Variants in SEL1L2 observed in about 807,000 individuals in gnomAD.
The protein encoded by SEL1L2 is SEL1L2 adaptor subunit of SYVN1 ubiquitin ligase.
A neutral mutation model predicts 98.8 loss-of-function variants in SEL1L2; 89 were observed. The ratio of observed to expected loss-of-function variants is 0.90; its 90% confidence interval spans 0.76 to 1.07. The LOEUF (loss-of-function observed/expected upper bound fraction) is 1.07, where lower values mean the gene tolerates loss of function less well. Among genes scored for constraint, SEL1L2 ranks in the 50% least tolerant of loss-of-function variants. SEL1L2 has a pLI of 0.00. For synonymous variants in SEL1L2, 262 were observed against 278.5 expected (o/e 0.94, Z 0.59); for missense variants, 788 against 812.0 (o/e 0.97, Z 0.36).
rs1568899493 is a variant in SEL1L2, at chr20:13,886,401, T to C, written c.787A>G (p.Lys263Glu). Residue 263 changes from lysine (K) to glutamate (E), a missense_variant, in exon 9 of 20, where the codon AAA (lysine) becomes GAA (glutamate). Coordinates refer to ENST00000284951, the MANE Select transcript of SEL1L2 (RefSeq NM_025229.2). ...FEKSEGVPVE[K>E]VRLTERPENL... ...TCAGGTCTTTCCGTTAGTCTCACTT[T>C]TTCCACTGGAACACCTTCACTTTTT... 3 of 1,614,066 alleles carry C rather than the reference T, an allele frequency of 1.9e-6. No homozygotes were observed. The highest frequency in any genetic ancestry group is 2.5e-6 in the Non-Finnish European group (3 of 1,179,986).
intron 9 of SEL1L2, 118 bp downstream of exon 9, chr20:13,886,170 G>A (rs765170443): frequency 3.4e-5 from 20 of 587,326 alleles, no homozygotes; most frequent in African/African-American, 2.7e-4. Context: ...AGAGGAGGGC[G>A]GGTCTCCCCC....
At chr20:13,963,079 A>C (rs964615222) in intron 1 of SEL1L2, among the ~76,000 whole-genome samples, 3 of 127,778 alleles carry the variant, frequency 2.3e-5, no homozygotes, top group African/African-American at 8.2e-5. Context: ...AAAAAAAAGA[A>C]GAGGAAGAAG....
At position 13,866,701 on chromosome 20, in the gene SEL1L2, C is replaced by T. The variant is rs1198430259; in HGVS notation, c.1404+1G>A. On this transcript the variant is annotated splice_donor_variant, in intron 15 of 19. Coordinates refer to ENST00000284951, the MANE Select transcript of SEL1L2 (RefSeq NM_025229.2). LOFTEE classifies it high-confidence loss of function. ...TAAAAACAGCCGCATATTATATTTA[C>T]CTCCACAGCAGTTCTGCATGATCTT... The T allele has an allele frequency of 1.3e-6, 2 of 1,567,662 alleles. No homozygotes were observed. Among genetic ancestry groups the T allele is most frequent in the Non-Finnish European group, 1.7e-6 (2 of 1,161,678 alleles).
chr20:13,895,896 G>A (rs2047402409), intron 5 of SEL1L2, among the ~76,000 whole-genome samples: 1 of 152,226 alleles, frequency 6.6e-6, no homozygotes, highest in Non-Finnish European at 1.5e-5. Context: ...AAATGGACCA[G>A]GTGTGGTGGC....
At chr20:13,867,834 C>G (rs1441402040) in intron 14 of SEL1L2, among the ~76,000 whole-genome samples, 1 of 152,138 alleles carries the variant, frequency 6.6e-6, no homozygotes, top group Non-Finnish European at 1.5e-5. Context: ...ACTAGAAGAA[C>G]AAGGCCATCT....
At chr20:13,885,605 G>C (rs993743387) in intron 9 of SEL1L2, among the ~76,000 whole-genome samples, 4 of 152,182 alleles carry the variant, frequency 2.6e-5, no homozygotes, top group Non-Finnish European at 5.9e-5. Context: ...GTGGCTGGAA[G>C]CTGGTCTTCT....
intron 1 of SEL1L2, among the ~76,000 whole-genome samples, chr20:13,967,973 T>C (rs2051124855): frequency 1.3e-5 from 2 of 152,320 alleles, no homozygotes; most frequent in African/African-American, 4.8e-5. Flanking sequence ...CAAATACATT[T>C]TGATGTATTT....
chr20:13,957,117 T>C (rs1479458394), intron 1 of SEL1L2, among the ~76,000 whole-genome samples: 1 of 152,064 alleles, frequency 6.6e-6, no homozygotes, highest in Non-Finnish European at 1.5e-5. Context: ...CTTTTTTTTT[T>C]TTGGACACAG....
At chr20:13,992,522 T>C (rs2052565448), upstream of SEL1L2, among the ~76,000 whole-genome samples, 1 of 151,776 alleles carries the variant, frequency 6.6e-6, no homozygotes, top group Non-Finnish European at 1.5e-5. Context: ...AAAAAGGCTA[T>C]ATGGTGTTCC....
intron 2 of SEL1L2, among the ~76,000 whole-genome samples, chr20:13,946,729 C>A (rs115770850): frequency 2.0e-5 from 3 of 152,204 alleles, no homozygotes; most frequent in African/African-American, 4.8e-5. Context: ...GCTCTTGGGG[C>A]GAGAAACCCT....
At chr20:13,859,184 G>T in intron 18 of SEL1L2, 78 bp downstream of exon 18, 4 of 1,374,790 alleles carry the variant, frequency 2.9e-6, no homozygotes, top group Non-Finnish European at 4.1e-6. Flanking sequence ...TGACATCAAT[G>T]AAATTCAAAA....
chr20:13,867,000 G>GA (rs1490994977), intron 14 of SEL1L2, 150 bp from the exon 15 acceptor site: 1 of 699,940 alleles, frequency 1.4e-6, no homozygotes, highest in Non-Finnish European at 2.1e-6. Flanking sequence ...CACTATTTGT[G>GA]AAGGTGGGGG....
At chr20:13,940,360 T>A (rs1719370720) in intron 2 of SEL1L2, among the ~76,000 whole-genome samples, 1 of 152,094 alleles carries the variant, frequency 6.6e-6, no homozygotes, top group Non-Finnish European at 1.5e-5. Flanking sequence ...GAAAGGACAG[T>A]AAGTACGAAT....
intron 2 of SEL1L2, among the ~76,000 whole-genome samples, chr20:13,952,734 A>T (rs1452882026): frequency 7.0e-6 from 1 of 142,248 alleles, no homozygotes; most frequent in Non-Finnish European, 1.5e-5. Flanking sequence ...CTCCTTTTTT[A>T]AAAAAGCCTC....
chr20:13,868,958 C>T (rs1387884528), intron 14 of SEL1L2, among the ~76,000 whole-genome samples: 12 of 152,096 alleles, frequency 7.9e-5, no homozygotes, highest in African/African-American at 2.9e-4. Context: ...CATTCATTTA[C>T]TCTTCCTTGA....
intron 2 of SEL1L2, among the ~76,000 whole-genome samples, chr20:13,933,785 T>G (rs774007189): frequency 2.0e-5 from 3 of 152,088 alleles, no homozygotes; most frequent in Non-Finnish European, 1.5e-5. Context: ...GGTTTCTGTT[T>G]TGTTTTGCTT....
intron 17 of SEL1L2, among the ~76,000 whole-genome samples, chr20:13,863,715 T>G (rs1990533672): frequency 6.6e-6 from 1 of 152,160 alleles, no homozygotes; most frequent in African/African-American, 2.4e-5. Context: ...CTGATGCCTG[T>G]AATCCAAGCA....
chr20:13,926,222 GGA>G (rs1294275136), intron 3 of SEL1L2, among the ~76,000 whole-genome samples: 2 of 152,224 alleles, frequency 1.3e-5, no homozygotes, highest in Non-Finnish European at 2.9e-5. Flanking sequence ...GGCTGAGGCA[GGA>G]GAATGGCGTG....
At chr20:13,882,810 G>GTAT (rs1568889476) in intron 10 of SEL1L2, among the ~76,000 whole-genome samples, 3 of 116,198 alleles carry the variant, frequency 2.6e-5, no homozygotes, top group Admixed American at 9.0e-5. Context: ...AAGTCAATTT[G>GTAT]TCTTTTTTTT....
Sources: gnomAD v4.1 joint callset for allele counts (sites outside exome capture counted in the v4.1 genomes callset) on GRCh38, gnomAD v4.1.1 for gene constraint, MANE v1.5 for transcripts, NCBI Gene and HGNC (gene_info 2026-07-23, HGNC 2026-07-21) for gene names.